MTIF2: variants seen among roughly 807,000 people sequenced by gnomAD.
MTIF2 encodes the protein translation initiation factor IF-2, mitochondrial.
MTIF2 carries 71 observed loss-of-function variants against 83.5 expected under a neutral mutation model. The ratio of observed to expected loss-of-function variants is 0.85; its 90% CI spans 0.70 to 1.04. The LOEUF (loss-of-function observed/expected upper bound fraction) is 1.04. MTIF2 is among the 50% of genes least tolerant of loss of function. The pLI is 0.00. For missense variants in MTIF2, 957 were observed against 846.5 expected, an observed-to-expected ratio of 1.13 and a Z score of -1.62; for synonymous variants, 319 against 287.1, an observed-to-expected ratio of 1.11 and a Z score of -1.12.
intron 3 of MTIF2, among the ~76,000 whole-genome samples, chr2:55,266,947 T>TTTAC (rs888711883): frequency 6.6e-6 from 1 of 151,894 alleles, no homozygotes; most frequent in Non-Finnish European, 1.5e-5. Flanking sequence ...TTTTTGTATT[T>TTTAC]TTAGTAGACA....
intron 9 of MTIF2, among the ~76,000 whole-genome samples, chr2:55,248,140 C>T (rs1676837341): frequency 6.6e-6 from 1 of 152,140 alleles, no homozygotes; most frequent in Non-Finnish European, 1.5e-5. Flanking sequence ...CTGACCACCT[C>T]GGCCTCCCAA....
intron 14 of MTIF2, among the ~76,000 whole-genome samples, chr2:55,239,650 T>C (rs1676152119): frequency 1.3e-5 from 2 of 152,212 alleles, no homozygotes; most frequent in Admixed American, 6.5e-5. Flanking sequence ...TTTCTTCTTA[T>C]GGTAGACTTC....
intron 5 of MTIF2, among the ~76,000 whole-genome samples, chr2:55,256,960 G>A (rs1330035735): frequency 6.6e-6 from 1 of 152,074 alleles, no homozygotes; most frequent in Non-Finnish European, 1.5e-5. Context: ...GCCTCCGAAA[G>A]TTCTGGAATT....
intron 10 of MTIF2, 55 bp from the exon 11 acceptor site, chr2:55,244,288 A>G (rs1207144213): frequency 3.1e-6 from 4 of 1,286,368 alleles, no homozygotes; most frequent in Non-Finnish European, 4.4e-6. Context: ...TAAGTAGAGC[A>G]AAGATATCTT....
chr2:55,249,778 A>C (rs1213101843), intron 8 of MTIF2, among the ~76,000 whole-genome samples: 1 of 151,002 alleles, frequency 6.6e-6, no homozygotes, highest in East Asian at 2.0e-4. Flanking sequence ...AATAACAGAC[A>C]CCTGAGATTA....
At position 55,236,663 on chromosome 2, in the gene MTIF2, C is replaced by T; in HGVS notation, c.2169G>A (p.Trp723Ter). 1.9e-6 allele frequency: 3 copies of T among 1,586,940 alleles called. No homozygotes were observed. The highest frequency in any genetic ancestry group is 2.6e-6 in the Non-Finnish European group (3 of 1,171,952). Residue 723 changes from tryptophan (W) to a stop codon, truncating the protein, a stop_gained, in exon 16 of 16, where the codon TGG (tryptophan) becomes TGA (stop). Coordinates refer to ENST00000263629, the MANE Select transcript of MTIF2 (RefSeq NM_002453.3). LOFTEE classifies it high-confidence loss of function. ...EEKQIQAKTS[W>*]DPGF The stretch of plus-strand genomic sequence containing the variant: ...TAATGTAATTTTAAAATCCTGGATC[C>T]CAAGAAGTCTTGGCTTGAATTTGCT...
chr2:55,263,978 C>T, intron 3 of MTIF2, 113 bp from the exon 4 acceptor site: 1 of 780,276 alleles, frequency 1.3e-6, no homozygotes, highest in Non-Finnish European at 2.0e-6. Flanking sequence ...AGACTTACAA[C>T]AATGAGTAAA....
At chr2:55,250,107 A>G (rs1177964504) in intron 8 of MTIF2, among the ~76,000 whole-genome samples, 2 of 152,150 alleles carry the variant, frequency 1.3e-5, no homozygotes, top group African/African-American at 2.4e-5. Context: ...AAAACACAAC[A>G]AACAATACAA....
intron 8 of MTIF2, among the ~76,000 whole-genome samples, chr2:55,250,694 A>T (rs1049640908): frequency 6.6e-6 from 1 of 152,220 alleles, no homozygotes; most frequent in African/African-American, 2.4e-5. Flanking sequence ...CTCTTTAGAG[A>T]AATCACACAA....
chr2:55,237,613 G>T (rs1316549671), intron 14 of MTIF2, among the ~76,000 whole-genome samples, 185 bp from the exon 15 acceptor site: 1 of 149,794 alleles, frequency 6.7e-6, no homozygotes, highest in African/African-American at 2.4e-5. Context: ...AAAAATGAAT[G>T]AAAATCTTTG....
At chr2:55,245,448 A>C (rs1676627040) in intron 10 of MTIF2, among the ~76,000 whole-genome samples, 1 of 152,034 alleles carries the variant, frequency 6.6e-6, no homozygotes, top group Non-Finnish European at 1.5e-5. Context: ...GCTTGAACCC[A>C]GGGATTGGAG....
intron 5 of MTIF2, among the ~76,000 whole-genome samples, chr2:55,259,295 C>T (rs1677779353): frequency 2.6e-5 from 4 of 151,882 alleles, no homozygotes; most frequent in Admixed American, 2.6e-4. Context: ...AAATAATTAC[C>T]TCATGAAAAC....
chr2:55,237,564 T>G (rs74410951), intron 14 of MTIF2, 136 bp from the exon 15 acceptor site: 31,678 of 642,960 alleles, frequency 0.049, 840 homozygotes, highest in East Asian at 0.067. Flanking sequence ...TCTGGGTTTC[T>G]TTAACTCCAA....
chr2:55,253,252 C>T (rs575489936), intron 7 of MTIF2, among the ~76,000 whole-genome samples: 89 of 152,176 alleles, frequency 5.8e-4, no homozygotes, highest in African/African-American at 2.0e-3. Flanking sequence ...GCTAGGTGCT[C>T]GTAAATGGGA....
At chr2:55,238,110 C>A (rs976964984) in intron 14 of MTIF2, among the ~76,000 whole-genome samples, 4 of 152,212 alleles carry the variant, frequency 2.6e-5, no homozygotes, top group African/African-American at 9.6e-5. Flanking sequence ...GTGGCATGAT[C>A]ATAGCTCACT....
chr2:55,244,277 T>C, intron 10 of MTIF2, 44 bp from the exon 11 acceptor site: 3 of 1,367,744 alleles, frequency 2.2e-6, no homozygotes, highest in Non-Finnish European at 3.1e-6. Flanking sequence ...ATAATGTACT[T>C]TAAGTAGAGC....
intron 2 of MTIF2, among the ~76,000 whole-genome samples, chr2:55,268,254 A>G (rs79917762): frequency 1.4e-5 from 2 of 140,396 alleles, no homozygotes; most frequent in South Asian, 2.2e-4. Flanking sequence ...CTGTCTAAAG[A>G]AAAAAAAAAG....
chr2:55,246,614 G>A (rs1157644378), intron 9 of MTIF2, among the ~76,000 whole-genome samples, 153 bp from the exon 10 acceptor site: 1 of 152,144 alleles, frequency 6.6e-6, no homozygotes, highest in East Asian at 1.9e-4. Flanking sequence ...ACAAAGAAAG[G>A]GAGGGAGGGG....
At chr2:55,244,625 A>G (rs1016958436) in intron 10 of MTIF2, among the ~76,000 whole-genome samples, 2 of 152,238 alleles carry the variant, frequency 1.3e-5, no homozygotes, top group Non-Finnish European at 2.9e-5. Context: ...TTTAAAAAGA[A>G]GGAAATTGGC....
Sources: allele counts gnomAD v4.1 joint callset (sites outside exome capture counted in the v4.1 genomes callset), GRCh38; gene constraint gnomAD v4.1.1; transcripts MANE v1.5; gene names NCBI Gene and HGNC (gene_info 2026-07-23, HGNC 2026-07-21).